COL5A1: variants seen among roughly 807,000 people sequenced by gnomAD.
COL5A1 encodes the protein collagen type V alpha 1 chain.
A neutral mutation model predicts 263.7 loss-of-function variants in COL5A1; 16 were observed. That is an observed-to-expected ratio of 0.06 (90% CI 0.04 to 0.09). The LOEUF (loss-of-function observed/expected upper bound fraction) is 0.09, where lower values mean the gene tolerates loss of function less well. Among genes scored for constraint, COL5A1 ranks in the 10% least tolerant of loss-of-function variants. The probability of loss-of-function intolerance (pLI) is 1.00; values close to 1 mark genes in which losing one functional copy is unlikely to be tolerated. For missense variants in COL5A1, 2,036 were observed against 2,540.5 expected, an observed-to-expected ratio of 0.80 and a Z score of 4.27; for synonymous variants, 1,012 against 1,004.5, an observed-to-expected ratio of 1.01 and a Z score of -0.14.
At chr9:134,685,606 T>TCCGTC (rs1564386806) in intron 1 of COL5A1, among the ~76,000 whole-genome samples, 1 of 58,878 alleles carries the variant, frequency 1.7e-5, no homozygotes, top group Non-Finnish European at 3.2e-5. Context: ...CATCCATCCA[T>TCCGTC]CATCCATCCA....
At position 134,642,513 on chromosome 9, in the gene COL5A1, G is replaced by C. The variant is rs1185403520; in HGVS notation, c.109+217G>C. ...GCCGCCGCCCCCTCCCCAGACGGGC[G>C]GGTCGGGTGGGGCTGTCGCGCGAGC... On this transcript the variant is annotated intron_variant, in intron 1 of 65. Transcript: ENST00000371817. The surrounding 1 kb of genome is among the most constrained non-coding windows in gnomAD (Gnocchi z 4.5). Among the ~76,000 whole-genome samples the C allele has an allele frequency of 1.3e-5, 2 of 151,798 alleles. No homozygotes were observed. Among genetic ancestry groups the C allele is most frequent in the African/African-American group, 4.8e-5 (2 of 41,410 alleles).
intron 31 of COL5A1, among the ~76,000 whole-genome samples, chr9:134,788,003 G>T (rs1248990303): frequency 6.6e-6 from 1 of 152,202 alleles, no homozygotes; most frequent in Admixed American, 6.6e-5. Context: ...GAGTGGAGGG[G>T]TGTGGATAGG....
chr9:134,786,809 T>G (rs950913005), intron 31 of COL5A1, among the ~76,000 whole-genome samples: 29 of 152,248 alleles, frequency 1.9e-4, no homozygotes, highest in Admixed American at 8.5e-4. Flanking sequence ...CCCGTCTTTC[T>G]CAGATCTGCC....
At position 134,758,239 on chromosome 9, in the gene COL5A1, G is replaced by T. The variant is rs1253885983; in HGVS notation, c.1882-4G>T. The T allele has an allele frequency of 1.9e-6, 3 of 1,614,024 alleles. No homozygotes were observed. Among genetic ancestry groups the T allele is most frequent in the East Asian group, 2.2e-5 (1 of 44,858 alleles). On this transcript the variant is annotated splice_region_variant and splice_polypyrimidine_tract_variant and intron_variant, in intron 17 of 65. Coordinates refer to ENST00000371817, the MANE Select transcript of COL5A1 (RefSeq NM_000093.5). This position sits in a 1 kb window ranked among gnomAD's most constrained non-coding sequence, Gnocchi z 4.1. ...CTGAGGCAGCCTTTCTGTCCTTTTTGCAGGGTGACCGGGGTTTCGACGGCC... is the reference window on the plus strand; with the variant it reads ...CTGAGGCAGCCTTTCTGTCCTTTTTTCAGGGTGACCGGGGTTTCGACGGCC...
At chr9:134,672,081 C>T (rs1177691861) in intron 1 of COL5A1, among the ~76,000 whole-genome samples, 1 of 152,202 alleles carries the variant, frequency 6.6e-6, no homozygotes, top group African/African-American at 2.4e-5. Flanking sequence ...TTAAAAATTG[C>T]CCATTATCAA....
intron 38 of COL5A1, 71 bp from the exon 39 acceptor site, chr9:134,802,817 T>C (rs1269233180): frequency 6.3e-5 from 73 of 1,165,862 alleles, no homozygotes; most frequent in Non-Finnish European, 8.5e-5. Flanking sequence ...TGTCCTTAGA[T>C]TTAGGAAGAG....
intron 42 of COL5A1, 73 bp downstream of exon 42, chr9:134,806,369 C>A: frequency 9.0e-7 from 1 of 1,116,660 alleles, no homozygotes; most frequent in Non-Finnish European, 1.3e-6. Flanking sequence ...GGCCTTGTCC[C>A]TCCCCCTGTG....
intron 4 of COL5A1, among the ~76,000 whole-genome samples, chr9:134,724,396 C>T (rs541344094): frequency 3.3e-5 from 5 of 152,216 alleles, no homozygotes; most frequent in African/African-American, 9.6e-5. Context: ...AGCCAGGCAA[C>T]GGCTGGAGCT....
intron 63 of COL5A1, among the ~76,000 whole-genome samples, chr9:134,828,150 G>A (rs1054033326): frequency 2.0e-5 from 3 of 152,294 alleles, no homozygotes; most frequent in Middle Eastern, 3.4e-3. Context: ...AGGCAGCCGG[G>A]GCTCCCCTTG....
intron 2 of COL5A1, among the ~76,000 whole-genome samples, chr9:134,694,312 C>T (rs1297699500): frequency 2.0e-5 from 3 of 152,238 alleles, no homozygotes; most frequent in Non-Finnish European, 2.9e-5. Context: ...CCGCCCAGGC[C>T]GCACAGGCGT....
intron 37 of COL5A1, 52 bp downstream of exon 37, chr9:134,798,513 T>G: frequency 1.3e-6 from 2 of 1,559,994 alleles, no homozygotes; most frequent in Non-Finnish European, 1.8e-6. Flanking sequence ...CTGACCACCC[T>G]GCACGTGGGC....
chr9:134,802,130 T>C, intron 38 of COL5A1, 123 bp downstream of exon 38: 3 of 969,372 alleles, frequency 3.1e-6, no homozygotes, highest in Non-Finnish European at 5.0e-6. Flanking sequence ...GCTGAGAGGT[T>C]ATCTTAGGTC....
chr9:134,681,057 C>T lies in COL5A1; in HGVS notation c.110-9855C>T, dbSNP rs1832839820. The stretch of plus-strand genomic sequence containing the variant: ...CCACCCCCTGCCCCTTTGCTTTGCT[C>T]CCTGGTTTAGTCATTGAGGAAGAAT... On this transcript the variant is annotated intron_variant, in intron 1 of 65. Coordinates refer to ENST00000371817, the MANE Select transcript of COL5A1 (RefSeq NM_000093.5). The surrounding 1 kb of genome is among the most constrained non-coding windows in gnomAD (Gnocchi z 4.3). 6.6e-6 allele frequency among the ~76,000 whole-genome samples: 1 copy of T among 152,174 alleles called. No homozygotes were observed. Among genetic ancestry groups the T allele is most frequent in the South Asian group, 2.1e-4 (1 of 4,824 alleles).
chr9:134,784,875 T>C (rs955687654), intron 29 of COL5A1, 114 bp from the exon 30 acceptor site: 21 of 861,730 alleles, frequency 2.4e-5, no homozygotes, highest in Non-Finnish European at 4.1e-5. Context: ...GTGGAGCAGC[T>C]CTGACCACAG....
intron 32 of COL5A1, 43 bp from the exon 33 acceptor site, chr9:134,795,039 G>A (rs773105574): frequency 6.2e-6 from 10 of 1,603,612 alleles, no homozygotes; most frequent in East Asian, 2.2e-5. Context: ...GAGCAGGGCC[G>A]GGCATTTAGA....
intron 18 of COL5A1, among the ~76,000 whole-genome samples, chr9:134,760,074 G>GCACA: frequency 1.9e-5 from 1 of 53,312 alleles, no homozygotes; most frequent in Non-Finnish European, 3.3e-5. Flanking sequence ...ACTCATACAT[G>GCACA]CACACACGCA....
In COL5A1 at chr9:134,750,493, C is replaced by A. The variant is rs763184601; in HGVS notation, c.1495-49C>A. ...GCCCTCATTCTCGCTGCAGCCCAGC[C>A]CTGGCCTGGTTGCACTCTGACTTGT... is the stretch of plus-strand genomic sequence containing the variant. On this transcript the variant is annotated intron_variant, in intron 11 of 65. Transcript: ENST00000371817. The A allele has an allele frequency of 2.6e-6, 4 of 1,562,066 alleles. No homozygotes were observed. In the East Asian group the frequency reaches 6.7e-5, roughly 26 times the overall value.
chr9:134,821,850 C>G lies in COL5A1; in HGVS notation c.4555-247C>G, dbSNP rs1389762769. 6.6e-6 allele frequency among the ~76,000 whole-genome samples: 1 copy of G among 152,210 alleles called. No homozygotes were observed. Among genetic ancestry groups the G allele is most frequent in the Non-Finnish European group, 1.5e-5 (1 of 68,038 alleles). ...GTGGCCTGGGGGATGAGAGTGAGTT[C>G]CTGGCAGCCCAGCCGGGGGAGCAGT... On this transcript the variant is annotated intron_variant, in intron 58 of 65. Coordinates refer to ENST00000371817, the MANE Select transcript of COL5A1 (RefSeq NM_000093.5). The surrounding 1 kb of genome is among the most constrained non-coding windows in gnomAD (Gnocchi z 4.2).
In COL5A1 at chr9:134,678,644, G is replaced by A. The variant is rs78738076; in HGVS notation, c.110-12268G>A. 0.11 allele frequency among the ~76,000 whole-genome samples: 16,855 copies of A among 152,226 alleles called. 1,204 individuals carry two copies. Among genetic ancestry groups the A allele is most frequent in the Admixed American group, 0.17 (2,525 of 15,300 alleles). ...GCTGATGTGCACTCCTGCAGTGAGC[G>A]ACAGAGACCCCCATTTCCTTCCCTG... is the stretch of plus-strand genomic sequence containing the variant. On this transcript the variant is annotated intron_variant, in intron 1 of 65. Coordinates refer to ENST00000371817, the MANE Select transcript of COL5A1 (RefSeq NM_000093.5). This position sits in a 1 kb window ranked among gnomAD's most constrained non-coding sequence, Gnocchi z 5.5.
Sources: allele counts gnomAD v4.1 joint callset (sites outside exome capture counted in the v4.1 genomes callset), GRCh38; gene constraint gnomAD v4.1.1; non-coding constraint Gnocchi (gnomAD v3.1); transcripts MANE v1.5; gene names NCBI Gene and HGNC (gene_info 2026-07-23, HGNC 2026-07-21).